NBAS: variants seen among roughly 807,000 people sequenced by gnomAD.
NBAS encodes the protein NBAS subunit of NRZ tethering complex.
In NBAS, 219 loss-of-function variants were observed where a neutral mutation model predicts 302.5. The ratio of observed to expected loss-of-function variants is 0.72; its 90% CI spans 0.65 to 0.81. NBAS has a LOEUF of 0.81. NBAS is among the 30% of genes least tolerant of loss of function. The probability of loss-of-function intolerance (pLI) is 0.00; values close to 1 mark genes in which losing one functional copy is unlikely to be tolerated. For missense variants in NBAS, 2,932 were observed against 2,841.6 expected (o/e 1.03, Z -0.72); for synonymous variants, 1,118 against 1,021.6 (o/e 1.09, Z -1.80).
the NBAS span, among the ~76,000 whole-genome samples, chr2:15,054,893 G>C: frequency 6.6e-6 from 1 of 152,198 alleles, no homozygotes; most frequent in African/African-American, 2.4e-5. Context: ...CAGAAACATT[G>C]TTTTCTGGCC....
chr2:15,061,366 T>C, the NBAS span, among the ~76,000 whole-genome samples: 1 of 152,246 alleles, frequency 6.6e-6, no homozygotes, highest in South Asian at 2.1e-4. Flanking sequence ...TAATAACTAA[T>C]TTTCAAAGCT....
At chr2:14,950,131 C>T in the NBAS span, among the ~76,000 whole-genome samples, 1 of 152,164 alleles carries the variant, frequency 6.6e-6, no homozygotes, top group Non-Finnish European at 1.5e-5. Flanking sequence ...GTATACACTG[C>T]ACCATATATG....
chr2:15,058,191 TC>T, the NBAS span, among the ~76,000 whole-genome samples: 2 of 152,236 alleles, frequency 1.3e-5, no homozygotes, highest in Non-Finnish European at 2.9e-5. Context: ...TCAGTGGTTC[TC>T]AATGCAGAGC....
At chr2:15,232,778 G>A (rs914253841) in intron 46 of NBAS, among the ~76,000 whole-genome samples, 1 of 151,616 alleles carries the variant, frequency 6.6e-6, no homozygotes, top group Non-Finnish European at 1.5e-5. Context: ...TGTGTCATTC[G>A]AAAAACATTC....
chr2:15,411,941 GCCCAAGTTTCTT>G (rs1274691855), intron 25 of NBAS, among the ~76,000 whole-genome samples: 1 of 152,098 alleles, frequency 6.6e-6, no homozygotes, highest in Non-Finnish European at 1.5e-5. Flanking sequence ...TCTAGGACTA[GCCCAAGTTTCTT>G]CCCAAGTTTC....
chr2:14,891,764 G>A, the NBAS span, among the ~76,000 whole-genome samples: 1 of 152,164 alleles, frequency 6.6e-6, no homozygotes, highest in African/African-American at 2.4e-5. Flanking sequence ...CCAGAATCCA[G>A]TTCTCATGGA....
At chr2:15,018,361 T>G in the NBAS span, among the ~76,000 whole-genome samples, 5 of 152,032 alleles carry the variant, frequency 3.3e-5, no homozygotes, top group African/African-American at 7.2e-5. Flanking sequence ...TCCTGATCAC[T>G]GTACCTTATA....
chr2:15,396,364 A>C, intron 27 of NBAS, 49 bp downstream of exon 27: 1 of 1,448,978 alleles, frequency 6.9e-7, no homozygotes, highest in Admixed American at 1.9e-5. Context: ...TTCTTGGACA[A>C]ATTCCCTTAA....
At chr2:15,485,038 T>A (rs1012803543) in intron 12 of NBAS, among the ~76,000 whole-genome samples, 1 of 152,102 alleles carries the variant, frequency 6.6e-6, no homozygotes, top group African/African-American at 2.4e-5. Context: ...CAAACTCTTC[T>A]TGCTTGACAA....
the NBAS span, among the ~76,000 whole-genome samples, chr2:15,134,540 T>A: frequency 6.6e-6 from 1 of 152,146 alleles, no homozygotes; most frequent in Non-Finnish European, 1.5e-5. Flanking sequence ...GGCAAGATGA[T>A]CCAGATGATC....
At chr2:14,945,027 TC>T in the NBAS span, among the ~76,000 whole-genome samples, 1 of 152,150 alleles carries the variant, frequency 6.6e-6, no homozygotes, top group Non-Finnish European at 1.5e-5. Flanking sequence ...ACCATCCCCA[TC>T]CCTGGAAACT....
chr2:15,139,778 T>C, the NBAS span, among the ~76,000 whole-genome samples: 3 of 152,098 alleles, frequency 2.0e-5, no homozygotes, highest in African/African-American at 7.2e-5. Flanking sequence ...ATTGGTTCCA[T>C]TTTTTCTCCC....
intron 35 of NBAS, among the ~76,000 whole-genome samples, chr2:15,345,086 G>GAA (rs1370000975): frequency 2.0e-5 from 3 of 152,152 alleles, no homozygotes; most frequent in African/African-American, 7.2e-5. Flanking sequence ...CATTCTCTTT[G>GAA]AAAACTGGTA....
chr2:15,379,344 A>G (rs1405063332), intron 30 of NBAS, among the ~76,000 whole-genome samples: 1 of 151,090 alleles, frequency 6.6e-6, no homozygotes, highest in Non-Finnish European at 1.5e-5. Flanking sequence ...AATCTCTTCC[A>G]ACAGAAGAGA....
rs140338660 is a variant in NBAS at position 15,423,232 on chromosome 2, G to A, written c.2577+1083C>T. On this transcript the variant is annotated intron_variant, in intron 23 of 51. Coordinates refer to ENST00000281513, the MANE Select transcript of NBAS (RefSeq NM_015909.4). Reference sequence around the variant, plus strand: ...CTTATTTCCAAAGATTCACTTCATCGTGTTATCTCTTCAGATTCTACACAT... The same window carrying A: ...CTTATTTCCAAAGATTCACTTCATCATGTTATCTCTTCAGATTCTACACAT... 1.3e-4 allele frequency among the ~76,000 whole-genome samples: 20 copies of A among 152,146 alleles called. No individual in the cohort carries two copies. The East Asian group carries it at 3.3e-3, about 25-fold the overall frequency.
the NBAS span, among the ~76,000 whole-genome samples, chr2:14,799,739 G>T: frequency 6.6e-6 from 1 of 152,050 alleles, no homozygotes; most frequent in Non-Finnish European, 1.5e-5. Context: ...GTATTTTAAA[G>T]CTTTGTTATT....
intron 35 of NBAS, among the ~76,000 whole-genome samples, chr2:15,350,478 T>G (rs1192698846): frequency 1.3e-5 from 2 of 152,158 alleles, no homozygotes; most frequent in Non-Finnish European, 2.9e-5. Flanking sequence ...GTCTTTGATC[T>G]AAAAAATGCT....
intron 28 of NBAS, among the ~76,000 whole-genome samples, chr2:15,386,059 C>A (rs959918056): frequency 1.3e-5 from 2 of 152,000 alleles, no homozygotes; most frequent in Admixed American, 6.6e-5. Context: ...TCTAAATTAC[C>A]AGAGAGGGCC....
chr2:15,323,341 G>A (rs1174479303), intron 38 of NBAS, among the ~76,000 whole-genome samples: 1 of 152,188 alleles, frequency 6.6e-6, no homozygotes, highest in South Asian at 2.1e-4. Context: ...AGAAGTAGAT[G>A]TGGTACTCAG....
Sources: allele counts gnomAD v4.1 joint callset (sites outside exome capture counted in the v4.1 genomes callset), GRCh38; gene constraint gnomAD v4.1.1; transcripts MANE v1.5; gene names NCBI Gene and HGNC (gene_info 2026-07-23, HGNC 2026-07-21).